AHCY: variants seen among roughly 807,000 people sequenced by gnomAD.
The protein encoded by AHCY is S-adenosyl-L-homocysteine hydrolase.
AHCY carries 24 observed loss-of-function variants against 45.4 expected under a neutral mutation model. The observed-to-expected ratio is 0.53, with a 90% confidence interval of 0.38 to 0.74. The LOEUF (loss-of-function observed/expected upper bound fraction) is 0.74. AHCY is among the 30% of genes least tolerant of loss of function. The pLI, the probability that AHCY is intolerant of heterozygous loss-of-function variation, is 0.00. For synonymous variants in AHCY, 245 were observed against 235.1 expected (o/e 1.04, Z -0.39); for missense variants, 449 against 594.1 (o/e 0.76, Z 2.54).
At chr20:34,262,964 A>C in the AHCY span, 2 of 1,552,078 alleles carry the variant, frequency 1.3e-6, no homozygotes, top group Non-Finnish European at 1.8e-6. Flanking sequence ...AGGACCCCCA[A>C]CCTCTGGCTA....
At chr20:34,279,107 C>A (rs2122704759), downstream of AHCY, among the ~76,000 whole-genome samples, 2 of 37,224 alleles carry the variant, frequency 5.4e-5, no homozygotes, top group Admixed American at 4.4e-4. Context: ...GAGACTCCGT[C>A]TCAAAAAAAA....
At chr20:34,249,734 GA>G in the AHCY span, among the ~76,000 whole-genome samples, 1 of 152,112 alleles carries the variant, frequency 6.6e-6, no homozygotes, top group Non-Finnish European at 1.5e-5. Context: ...TCCCTGCACT[GA>G]AAGCCATTTA....
chr20:34,285,361 A>G (rs1431209651), intron 9 of AHCY, 79 bp downstream of exon 9: 1 of 1,542,430 alleles, frequency 6.5e-7, no homozygotes, highest in East Asian at 2.2e-5. Flanking sequence ...CAAGCACTTT[A>G]TAAACTCTGG....
Position 34,282,741 on chromosome 20 carries a change from G to A in AHCY, c.1168-1576C>T, listed in dbSNP as rs551212782. 3.3e-5 allele frequency among the ~76,000 whole-genome samples: 5 copies of A among 152,262 alleles called. No individual in the cohort carries two copies. The East Asian group carries it at 9.6e-4, about 29-fold the overall frequency. On this transcript the variant is annotated intron_variant, in intron 9 of 9. Transcript: ENST00000217426. ...ATGTGTCTCAAGCATCCCAGCTTAT[G>A]GCCTCTAGAGCAGCTTTGAAGAGAT...
the AHCY span, among the ~76,000 whole-genome samples, chr20:34,262,280 C>G: frequency 6.6e-6 from 1 of 152,222 alleles, no homozygotes; most frequent in African/African-American, 2.4e-5. Flanking sequence ...TATTATGGAA[C>G]CTTTTTTGCA....
At chr20:34,303,417 T>TG, upstream of AHCY, 1 of 1,222,654 alleles carries the variant, frequency 8.2e-7, no homozygotes, top group Admixed American at 2.1e-5. Context: ...CATGACCCGC[T>TG]GGGGCGGGGC....
chr20:34,283,882 G>A (rs1322554035), intron 9 of AHCY, among the ~76,000 whole-genome samples: 1 of 152,236 alleles, frequency 6.6e-6, no homozygotes. Context: ...GGGATGGTAT[G>A]TAGACCCCAT....
At chr20:34,273,927 A>C in the AHCY span, among the ~76,000 whole-genome samples, 1 of 152,208 alleles carries the variant, frequency 6.6e-6, no homozygotes, top group African/African-American at 2.4e-5. Context: ...AGAGAAATAG[A>C]AGCTCTCCCA....
At position 34,285,603 on chromosome 20, in the gene AHCY, C is replaced by T. The variant is rs867752341; in HGVS notation, c.1004G>A (p.Arg335His). Reference protein sequence around the residue: ...VDRYRLKNGRRIILLAEGRLV... With the variant: ...VDRYRLKNGRHIILLAEGRLV... ...CCGACCCTCGGCCAGCAGGATGATG[C>T]GGCGCCCATTCTTCAACCGATACCG... The change falls in exon 9 of 10, where the codon CGC becomes CAC. Residue 335 changes from arginine to histidine, a missense_variant. Transcript: ENST00000217426. 7.4e-6 allele frequency: 12 copies of T among 1,613,814 alleles called. No homozygotes were observed. Among genetic ancestry groups the T allele is most frequent in the Admixed American group, 3.3e-5 (2 of 59,994 alleles).
At chr20:34,303,970 G>A (rs1298738958), upstream of AHCY, among the ~76,000 whole-genome samples, 1 of 152,188 alleles carries the variant, frequency 6.6e-6, no homozygotes, top group African/African-American at 2.4e-5. Context: ...CAGCACTTGA[G>A]CCTGGGCGAA....
In AHCY at chr20:34,290,747, C is replaced by T; in HGVS notation, c.750G>A (p.Leu250=). The part of the protein sequence containing the change: ...IITEIDPINA[L]QAAMEGYEVT... ...CTATCCTACCCTCCATGGCAGCCTG[C>T]AGTGCGTTGATGGGGTCAATCTCGG... The change falls in exon 6 of 10, where the codon CTG becomes CTA. Residue 250 remains leucine (L), a synonymous_variant. Coordinates refer to ENST00000217426, the MANE Select transcript of AHCY (RefSeq NM_000687.4). This position sits in a 1 kb window ranked among gnomAD's most constrained non-coding sequence, Gnocchi z 4.5. 4 of 1,613,920 alleles carry T rather than the reference C, an allele frequency of 2.5e-6. No individual in the cohort carries two copies. Among genetic ancestry groups the T allele is most frequent in the Non-Finnish European group, 3.4e-6 (4 of 1,180,024 alleles).
chr20:34,288,008 G>A (rs2036243442), intron 8 of AHCY, among the ~76,000 whole-genome samples: 1 of 152,236 alleles, frequency 6.6e-6, no homozygotes, highest in South Asian at 2.1e-4. Context: ...CAAAAAGGAG[G>A]TCTAGACAGA....
At chr20:34,245,241 G>A in the AHCY span, among the ~76,000 whole-genome samples, 1 of 150,228 alleles carries the variant, frequency 6.7e-6, no homozygotes, top group East Asian at 2.0e-4. Context: ...GACTGAGGCA[G>A]GAGAATCGCT....
At chr20:34,272,387 G>A in the AHCY span, among the ~76,000 whole-genome samples, 110 of 152,306 alleles carry the variant, frequency 7.2e-4, no homozygotes, top group African/African-American at 2.5e-3. Context: ...GTGGACACCA[G>A]CTAGGTGTCC....
the AHCY span, among the ~76,000 whole-genome samples, chr20:34,273,883 A>G: frequency 6.6e-6 from 1 of 152,246 alleles, no homozygotes; most frequent in Non-Finnish European, 1.5e-5. Context: ...CATGTTCATT[A>G]CAGAAAGGAG....
intron 8 of AHCY, among the ~76,000 whole-genome samples, chr20:34,288,175 G>A (rs898715676): frequency 4.6e-5 from 6 of 131,270 alleles, no homozygotes; most frequent in African/African-American, 7.5e-5. Context: ...GAACTCCCAC[G>A]CAGGAGCAGA....
chr20:34,246,501 CT>C, the AHCY span: 1 of 1,339,932 alleles, frequency 7.5e-7, no homozygotes, highest in Non-Finnish European at 1.1e-6. Context: ...CTTGGGTCTC[CT>C]TTGCAATCAG....
intron 3 of AHCY, chr20:34,293,437 G>T: frequency 6.2e-6 from 1 of 162,430 alleles, no homozygotes; most frequent in South Asian, 1.6e-4. Flanking sequence ...CTCCAGTATG[G>T]GCAACGGGGC....
the AHCY span, among the ~76,000 whole-genome samples, chr20:34,271,602 G>A: frequency 7.8e-6 from 1 of 128,728 alleles, no homozygotes; most frequent in Non-Finnish European, 1.6e-5. Context: ...GTCTTGCTCT[G>A]TCACCCAGGC....
Sources: allele counts gnomAD v4.1 joint callset (sites outside exome capture counted in the v4.1 genomes callset), GRCh38; gene constraint gnomAD v4.1.1; non-coding constraint Gnocchi (gnomAD v3.1); transcripts MANE v1.5; gene names NCBI Gene and HGNC (gene_info 2026-07-23, HGNC 2026-07-21).